Variants in WDR7 observed in about 807,000 individuals in gnomAD.
WDR7 encodes WD repeat-containing protein 7.
A neutral mutation model predicts 169.4 loss-of-function variants in WDR7; 46 were observed. The observed-to-expected ratio is 0.27, with a 90% confidence interval of 0.21 to 0.35. WDR7 has a LOEUF of 0.35. Ranked by LOEUF, WDR7 falls within the 10% of genes least tolerant of loss-of-function variation. The pLI, the probability that WDR7 is intolerant of heterozygous loss-of-function variation, is 1.00. For missense variants in WDR7, 1,534 were observed against 1,859.3 expected (o/e 0.83, Z 3.22); for synonymous variants, 612 against 666.8 (o/e 0.92, Z 1.27).
At position 56,718,146 on chromosome 18, in the gene WDR7, G is replaced by A; in HGVS notation, c.1761G>A (p.Trp587Ter). 1 of 1,610,326 alleles carries A rather than the reference G, an allele frequency of 6.2e-7. No individual in the cohort carries two copies. Among genetic ancestry groups the A allele is most frequent in the Non-Finnish European group, 8.5e-7 (1 of 1,178,230 alleles). The change falls in exon 13 of 28, where the codon TGG becomes TGA. Residue 587 changes from tryptophan (W) to a stop codon, truncating the protein, a stop_gained. Coordinates refer to ENST00000254442, the MANE Select transcript of WDR7 (RefSeq NM_015285.3). LOFTEE classifies it high-confidence loss of function. ...VGCSDGSVYVWQMDTGALDRC... is the reference protein window; with the variant it reads ...VGCSDGSVYV ...GTTCAGATGGTTCTGTGTACGTCTG[G>A]CAAATGGATACTGGTAAGAACAAGT...
At chr18:56,751,071 A>T (rs2043783547) in intron 14 of WDR7, among the ~76,000 whole-genome samples, 1 of 150,668 alleles carries the variant, frequency 6.6e-6, no homozygotes, top group African/African-American at 2.4e-5. Flanking sequence ...CTTTTTTTAA[A>T]CTCTTTTTCT....
At chr18:56,653,468 A>G (rs771112887) in intron 1 of WDR7, among the ~76,000 whole-genome samples, 49 of 152,270 alleles carry the variant, frequency 3.2e-4, no homozygotes, top group Non-Finnish European at 4.6e-4. Context: ...TGGCCTCCCA[A>G]AGTGCTGGGA....
intron 21 of WDR7, among the ~76,000 whole-genome samples, chr18:56,884,347 T>A (rs984559045): frequency 1.3e-5 from 2 of 152,212 alleles, no homozygotes; most frequent in Non-Finnish European, 2.9e-5. Flanking sequence ...AGTCTTTTGA[T>A]GGGATTGTTT....
chr18:56,944,034 G>A (rs1024897656), intron 25 of WDR7, among the ~76,000 whole-genome samples: 1 of 142,280 alleles, frequency 7.0e-6, no homozygotes, highest in African/African-American at 2.7e-5. Flanking sequence ...CCCTTGCCAG[G>A]CTGGAGTGCA....
intron 26 of WDR7, 27 bp from the exon 27 acceptor site, chr18:57,020,718 A>G (rs1037386179): frequency 1.2e-6 from 2 of 1,606,154 alleles, no homozygotes; most frequent in Admixed American, 1.7e-5. Context: ...AATGCTTATC[A>G]TTCATGATAT....
chr18:56,754,273 G>GTGTATA (rs1555686092), intron 14 of WDR7, among the ~76,000 whole-genome samples: 5 of 146,882 alleles, frequency 3.4e-5, no homozygotes, highest in Admixed American at 1.4e-4. Context: ...GTGTGTGTGT[G>GTGTATA]TGTGTGTGTG....
intron 19 of WDR7, among the ~76,000 whole-genome samples, chr18:56,814,175 A>C (rs1189973032): frequency 1.3e-5 from 2 of 152,200 alleles, no homozygotes; most frequent in African/African-American, 4.8e-5. Flanking sequence ...TAAATGAGAT[A>C]AATGTAAATG....
At position 56,694,652 on chromosome 18, in the gene WDR7, T is replaced by C. The variant is rs2025658098; in HGVS notation, c.1000T>C (p.Tyr334His). Residue 334 changes from tyrosine to histidine, a missense_variant, in exon 10 of 28, where the codon TAT (tyrosine) becomes CAT (histidine). Tyr to His is a moderately conservative substitution (Grantham distance 83). Transcript: ENST00000254442. ...LICPPVTRFF[Y>H]GCREYFHKLL... ...TTGTCCTCCTGTTACTCGGTTCTTC[T>C]ATGGATGCAGAGAATATTTCCATAA... 6.2e-7 allele frequency: 1 copy of C among 1,612,500 alleles called. No individual in the cohort carries two copies.
At chr18:56,934,107 C>T (rs1237197004) in intron 22 of WDR7, among the ~76,000 whole-genome samples, 2 of 152,222 alleles carry the variant, frequency 1.3e-5, no homozygotes, top group Non-Finnish European at 2.9e-5. Flanking sequence ...TCATCAATCC[C>T]TATTCATCCA....
intron 1 of WDR7, among the ~76,000 whole-genome samples, chr18:56,654,176 G>T (rs1390273262): frequency 6.6e-6 from 1 of 152,052 alleles, no homozygotes; most frequent in African/African-American, 2.4e-5. Context: ...ACTCTTGCCA[G>T]GGTGGAGTGC....
intron 15 of WDR7, 28 bp from the exon 16 acceptor site, chr18:56,758,837 A>G (rs1427271905): frequency 6.4e-7 from 1 of 1,552,610 alleles, no homozygotes; most frequent in Non-Finnish European, 8.8e-7. Context: ...ATCAAAATAT[A>G]TCTTGTATTT....
intron 19 of WDR7, among the ~76,000 whole-genome samples, chr18:56,807,147 CAAAA>C (rs566956902): frequency 0.014 from 1,152 of 84,152 alleles, 10 homozygotes; most frequent in Non-Finnish European, 0.02. Context: ...TGATCCTAGC[CAAAA>C]AAAAAAAAAA....
At chr18:56,779,703 G>T (rs2044290071) in intron 18 of WDR7, among the ~76,000 whole-genome samples, 154 bp downstream of exon 18, 1 of 152,108 alleles carries the variant, frequency 6.6e-6, no homozygotes, top group African/African-American at 2.4e-5. Flanking sequence ...TTTCTTCTTT[G>T]TCAGCTTTTA....
At chr18:56,666,593 A>C (rs925722080) in intron 1 of WDR7, among the ~76,000 whole-genome samples, 5 of 152,186 alleles carry the variant, frequency 3.3e-5, no homozygotes, top group African/African-American at 1.2e-4. Flanking sequence ...TTTATCTGTA[A>C]ACACTGCAGT....
intron 20 of WDR7, among the ~76,000 whole-genome samples, chr18:56,865,266 A>G (rs936599747): frequency 3.3e-5 from 5 of 152,078 alleles, no homozygotes; most frequent in Admixed American, 6.6e-5. Context: ...TTTAGCACTC[A>G]AAGTATACTG....
At chr18:56,662,163 T>A (rs1475698315) in intron 1 of WDR7, among the ~76,000 whole-genome samples, 2 of 152,224 alleles carry the variant, frequency 1.3e-5, no homozygotes, top group Non-Finnish European at 2.9e-5. Context: ...AATTTGAGTT[T>A]GTTTTTGTCT....
intron 19 of WDR7, among the ~76,000 whole-genome samples, chr18:56,783,811 C>A (rs2044354605): frequency 6.6e-6 from 1 of 152,122 alleles, no homozygotes. Flanking sequence ...AAAAGAGATG[C>A]CATTAGCAAT....
intron 19 of WDR7, among the ~76,000 whole-genome samples, chr18:56,795,426 A>G (rs971713471): frequency 6.6e-6 from 1 of 152,312 alleles, no homozygotes; most frequent in African/African-American, 2.4e-5. Context: ...ATGCATGCAC[A>G]CTTTCATTTG....
intron 25 of WDR7, among the ~76,000 whole-genome samples, chr18:56,954,195 A>G (rs1273088250): frequency 6.6e-6 from 1 of 152,218 alleles, no homozygotes; most frequent in Non-Finnish European, 1.5e-5. Context: ...AAAGTGTTTA[A>G]TACTGTTTTT....
Sources: gnomAD v4.1 joint callset for allele counts (sites outside exome capture counted in the v4.1 genomes callset) on GRCh38, gnomAD v4.1.1 for gene constraint, MANE v1.5 for transcripts, NCBI Gene and HGNC (gene_info 2026-07-23, HGNC 2026-07-21) for gene names.